CDK14: variants seen among roughly 807,000 people sequenced by gnomAD.
The protein encoded by CDK14 is cyclin dependent kinase 14.
Under a neutral mutation model 60.7 loss-of-function variants are expected in CDK14, and 34 were observed. The observed-to-expected ratio is 0.56, with a 90% CI of 0.43 to 0.75. The LOEUF (loss-of-function observed/expected upper bound fraction) is 0.75. Among genes scored for constraint, CDK14 ranks in the 30% least tolerant of loss-of-function variants. The pLI is 0.00. For synonymous variants in CDK14, 197 were observed against 203.7 expected (o/e 0.97, Z 0.28); for missense variants, 482 against 564.1 (o/e 0.85, Z 1.47).
At chr7:90,869,135 A>T (rs919962014) in intron 6 of CDK14, among the ~76,000 whole-genome samples, 6 of 152,160 alleles carry the variant, frequency 3.9e-5, no homozygotes, top group African/African-American at 1.4e-4. Context: ...GTTCTTGAAA[A>T]ACTGTAGCTC....
At chr7:90,649,327 TCCTTCCTTCCTTCCTTCCTTC>T (rs1800554354) in intron 2 of CDK14, among the ~76,000 whole-genome samples, 1 of 43,962 alleles carries the variant, frequency 2.3e-5, no homozygotes, top group African/African-American at 1.5e-4. Flanking sequence ...CTTCCTTCCT[TCCTTCCTTCCTTCCTTCCTTC>T]CTTCCTTCCT....
At chr7:90,644,971 G>A (rs1429952412) in intron 2 of CDK14, among the ~76,000 whole-genome samples, 2 of 152,166 alleles carry the variant, frequency 1.3e-5, no homozygotes, top group Admixed American at 1.3e-4. Flanking sequence ...ATGAATTTTA[G>A]ACATCTTACC....
chr7:91,015,109 C>G (rs1399096684), intron 10 of CDK14, among the ~76,000 whole-genome samples: 1 of 152,046 alleles, frequency 6.6e-6, no homozygotes, highest in Non-Finnish European at 1.5e-5. Context: ...TGTGTTTTTG[C>G]TAATTTTTTT....
intron 2 of CDK14, among the ~76,000 whole-genome samples, chr7:90,664,400 A>G (rs1184973548): frequency 6.6e-6 from 1 of 152,178 alleles, no homozygotes; most frequent in African/African-American, 2.4e-5. Flanking sequence ...AGGGATCTAG[A>G]ACTAGAAATA....
chr7:90,968,119 A>C (rs1794810982), intron 9 of CDK14, among the ~76,000 whole-genome samples: 1 of 152,210 alleles, frequency 6.6e-6, no homozygotes, highest in Non-Finnish European at 1.5e-5. Flanking sequence ...ATTTTGCTGT[A>C]TGAATTACTA....
intron 9 of CDK14, among the ~76,000 whole-genome samples, chr7:90,982,978 G>T (rs1012623352): frequency 6.6e-5 from 10 of 152,048 alleles, no homozygotes; most frequent in Non-Finnish European, 1.0e-4. Context: ...TCAGAGAAAT[G>T]CAAATCAAAA....
chr7:90,622,938 T>A (rs1162782193), intron 2 of CDK14, among the ~76,000 whole-genome samples: 1 of 149,802 alleles, frequency 6.7e-6, no homozygotes, highest in Non-Finnish European at 1.5e-5. Context: ...TTTTTTTTTT[T>A]AGCACTCTGA....
chr7:90,650,858 A>T (rs1032466848), intron 2 of CDK14, among the ~76,000 whole-genome samples: 3 of 152,178 alleles, frequency 2.0e-5, no homozygotes, highest in African/African-American at 7.2e-5. Flanking sequence ...TTGTTACTGT[A>T]GCCTTGTAGT....
chr7:90,726,423 A>G (rs2116709923), intron 2 of CDK14, 144 bp from the exon 3 acceptor site: 1 of 1,217,554 alleles, frequency 8.2e-7, no homozygotes, highest in Non-Finnish European at 1.1e-6. Flanking sequence ...ACTGTAATTT[A>G]TGCTGATGCA....
At chr7:90,903,981 T>C (rs1792608747) in intron 7 of CDK14, among the ~76,000 whole-genome samples, 1 of 152,120 alleles carries the variant, frequency 6.6e-6, no homozygotes, top group African/African-American at 2.4e-5. Flanking sequence ...ATTGCTTTAC[T>C]CCCCAGCCCT....
rs143561944 is a variant in CDK14 at position 91,071,734 on chromosome 7, C to T, written c.1106-7698C>T. ...CTTCAGGGAGGGGCAGCAGCCAACA[C>T]TGGGACTGCTAGCTGCCTAACACAC... On this transcript the variant is annotated intron_variant, in intron 11 of 14. Transcript: ENST00000380050. Among the ~76,000 whole-genome samples, 664 of 152,338 alleles carry T rather than the reference C, an allele frequency of 4.4e-3. 5 individuals carry two copies. Among genetic ancestry groups the T allele is most frequent in the Middle Eastern group, 0.014 (4 of 294 alleles).
At chr7:90,596,753 C>T in intron 1 of CDK14, 35 bp downstream of exon 1, 1 of 1,550,246 alleles carries the variant, frequency 6.5e-7, no homozygotes, top group Non-Finnish European at 8.9e-7. Context: ...CCCCCAGCGC[C>T]CGCTCCCCTC....
At chr7:90,857,309 T>G (rs1330129047) in intron 5 of CDK14, among the ~76,000 whole-genome samples, 8 of 152,338 alleles carry the variant, frequency 5.3e-5, no homozygotes, top group African/African-American at 1.9e-4. Flanking sequence ...GCTGCGAATA[T>G]GAATCTGAAT....
At chr7:90,614,430 C>T (rs1203461868) in intron 2 of CDK14, among the ~76,000 whole-genome samples, 3 of 99,794 alleles carry the variant, frequency 3.0e-5, no homozygotes, top group African/African-American at 7.8e-5. Flanking sequence ...GTCTCATCAG[C>T]GTCTTAAAGG....
At chr7:90,883,450 TAAAC>T (rs1340503545) in intron 6 of CDK14, among the ~76,000 whole-genome samples, 12 of 151,748 alleles carry the variant, frequency 7.9e-5, no homozygotes, top group Middle Eastern at 3.4e-3. Flanking sequence ...ATTGAGGCAG[TAAAC>T]AAACAAACAA....
chr7:91,091,501 T>TTTTATATATATA (rs1369809555), intron 12 of CDK14, among the ~76,000 whole-genome samples: 15 of 88,970 alleles, frequency 1.7e-4, no homozygotes, highest in South Asian at 1.4e-3. Context: ...TTTATATATT[T>TTTTATATATATA]TATATATATA....
chr7:90,705,898 C>T (rs1162375850), intron 2 of CDK14, among the ~76,000 whole-genome samples: 1 of 151,782 alleles, frequency 6.6e-6, no homozygotes, highest in African/African-American at 2.4e-5. Context: ...ATAATTGGCC[C>T]CATCATCAGT....
At chr7:90,900,764 C>T (rs1792482078) in intron 7 of CDK14, among the ~76,000 whole-genome samples, 2 of 152,124 alleles carry the variant, frequency 1.3e-5, no homozygotes, top group South Asian at 4.1e-4. Flanking sequence ...TTCAGTGATA[C>T]AATTGAGATT....
intron 14 of CDK14, among the ~76,000 whole-genome samples, chr7:91,137,700 GTGTGTGTGTGTGTGTA>G (rs1469148866): frequency 8.0e-5 from 11 of 136,904 alleles, no homozygotes; most frequent in Admixed American, 3.6e-4. Context: ...GGGGGTGTGT[GTGTGTGTGTGTGTGTA>G]TGTGTGTGTG....
Sources: allele counts gnomAD v4.1 joint callset (sites outside exome capture counted in the v4.1 genomes callset), GRCh38; gene constraint gnomAD v4.1.1; transcripts MANE v1.5; gene names NCBI Gene and HGNC (gene_info 2026-07-23, HGNC 2026-07-21).